FRMPD4: variants seen among roughly 807,000 people sequenced by gnomAD.
FRMPD4 encodes the protein FERM and PDZ domain-containing protein 4.
In FRMPD4, 22 loss-of-function variants were observed where a neutral mutation model predicts 94.1. That is an observed-to-expected ratio of 0.23 (90% CI 0.17 to 0.33). The LOEUF (loss-of-function observed/expected upper bound fraction) is 0.33. FRMPD4 is among the 10% of genes least tolerant of loss of function. The probability of loss-of-function intolerance (pLI) is 1.00; values close to 1 mark genes in which losing one functional copy is unlikely to be tolerated. For synonymous variants in FRMPD4, 631 were observed against 548.6 expected, an observed-to-expected ratio of 1.15 and a Z score of -2.10; for missense variants, 1,111 against 1,339.9, an observed-to-expected ratio of 0.83 and a Z score of 2.67.
intron 1 of FRMPD4, among the ~76,000 whole-genome samples, chrX:12,193,697 G>A (rs1175831108): frequency 2.0e-5 from 2 of 99,805 alleles, no homozygotes; most frequent in African/African-American, 7.3e-5. Context: ...AGAAAAAGAT[G>A]AAGGAACAGA....
chrX:12,257,796 T>G (rs2054135337), intron 1 of FRMPD4, among the ~76,000 whole-genome samples: 1 of 111,691 alleles, frequency 9.0e-6, no homozygotes, highest in Non-Finnish European at 1.9e-5. Context: ...AGTTTTCTAC[T>G]TAGAAAAACA....
chrX:12,518,142 C>T (rs1271457748), intron 2 of FRMPD4, among the ~76,000 whole-genome samples: 7 of 111,520 alleles, frequency 6.3e-5, no homozygotes, highest in Admixed American at 2.8e-4. Context: ...CAGTGATGGC[C>T]GCTGCCCTTC....
At position 12,204,072 on chromosome X, in the gene FRMPD4, G is replaced by A. The variant is rs145795733; in HGVS notation, c.41+65060G>A. ...GGCATATTCTTCTCAATTCTCTGTC[G>A]CTAGTGGTTTTCAATGGGGCAGTTT... On this transcript the variant is annotated intron_variant, in intron 1 of 16. Transcript: ENST00000675598. Among the ~76,000 whole-genome samples, 216 of 112,119 alleles carry A rather than the reference G, an allele frequency of 1.9e-3. 1 individual carries two copies. Among genetic ancestry groups the A allele is most frequent in the African/African-American group, 6.9e-3 (212 of 30,869 alleles).
At chrX:11,978,321 CAAAAA>C (rs1172824155) in intron 3 of FRMPD4, among the ~76,000 whole-genome samples, 269 of 16,312 alleles carry the variant, frequency 0.016, no homozygotes, top group Non-Finnish European at 0.02. Flanking sequence ...AACTCCATCT[CAAAAA>C]AAAAAAAAAA....
At position 11,978,349 on chromosome X, in the gene FRMPD4, A is replaced by AT. The variant is rs1181261349; in HGVS notation, c.95+100331_95+100332insT. ...AAAAAAAAAAAAAAAAAAAAAAAAA[A>AT]GTTCCCTGGCTGAGGAGGAAGTCCA... On this transcript the variant is annotated intron_variant, in intron 3 of 18. Transcript: ENST00000640291. Among the ~76,000 whole-genome samples the AT allele has an allele frequency of 8.7e-5, 9 of 103,258 alleles. No homozygotes were observed. The East Asian group carries it at 2.4e-3, about 28-fold the overall frequency. 89.7% of individuals were successfully genotyped at this position (103,258 alleles called of 115,157 possible).
In FRMPD4 at chrX:12,683,607, CTTTG is replaced by C; in HGVS notation, c.573+22_573+25del. 1 of 846,059 alleles carries C rather than the reference CTTTG, an allele frequency of 1.2e-6. No individual in the cohort carries two copies. 69.7% of individuals were successfully genotyped at this position (846,059 alleles called of 1,213,427 possible). ...GTGTCGGTGAGTTTACAGTCACCTGCTTTGTGACTCAGGGAGAGTCAATGAGGCA... is the reference window on the plus strand; with the variant it reads ...GTGTCGGTGAGTTTACAGTCACCTGCTGACTCAGGGAGAGTCAATGAGGCA... On this transcript the variant is annotated intron_variant, in intron 6 of 16. Coordinates refer to ENST00000675598, the MANE Select transcript of FRMPD4 (RefSeq NM_001368397.1).
chrX:12,718,328 G>A lies in FRMPD4; in HGVS notation c.3502G>A (p.Asp1168Asn), dbSNP rs777976232. 6 of 1,209,873 alleles carry A rather than the reference G, an allele frequency of 5.0e-6. No homozygotes were observed. In the Admixed American group the frequency reaches 1.3e-4, roughly 26 times the overall value. ...SSAKDLDNPE[D>N]ADSSTCDHPS... is the part of the protein sequence containing the mutation. Reference sequence around the variant, plus strand: ...AGCCAAAGACTTAGATAACCCAGAGGACGCTGACTCGTCCACCTGCGACCA... The same window carrying A: ...AGCCAAAGACTTAGATAACCCAGAGAACGCTGACTCGTCCACCTGCGACCA... The change falls in exon 16 of 17, where the codon GAC becomes AAC. Residue 1168 changes from aspartate to asparagine, a missense_variant. Coordinates refer to ENST00000675598, the MANE Select transcript of FRMPD4 (RefSeq NM_001368397.1).
rs747272192 is a variant in FRMPD4 at position 12,583,611 on chromosome X, G to T, written c.159-26110G>T. ...TGAGCCTCAGTGCTGGTAAAGCCTCGCACCTGGCGGCCCCGCCCCCGGCCC... is the reference window on the plus strand; with the variant it reads ...TGAGCCTCAGTGCTGGTAAAGCCTCTCACCTGGCGGCCCCGCCCCCGGCCC... On this transcript the variant is annotated intron_variant, in intron 2 of 16. Coordinates refer to ENST00000675598, the MANE Select transcript of FRMPD4 (RefSeq NM_001368397.1). The T allele has an allele frequency of 1.0e-4, 51 of 506,970 alleles. No homozygotes were observed. The Admixed American group carries it at 1.4e-3, about 14-fold the overall frequency. The allele number at this position is 506,970 out of a possible 1,213,427, so 41.8% of individuals were successfully genotyped here. A position where few individuals can be genotyped will look rare whatever the true frequency, so the allele number is the denominator to read the frequency against.
At position 12,165,812 on chromosome X, in the gene FRMPD4, T is replaced by A. The variant is rs1458299059; in HGVS notation, c.41+26800T>A. Among the ~76,000 whole-genome samples the A allele has an allele frequency of 8.1e-5, 9 of 110,876 alleles. 1 individual carries two copies. The highest frequency in any genetic ancestry group is 1.3e-4 in the African/African-American group (4 of 30,443). Reference sequence around the variant, plus strand: ...TAGGTATTTTATTCTCTTTGAAGCATTTGTGAATGGGAGTTCACTCATGAT... The same window carrying A: ...TAGGTATTTTATTCTCTTTGAAGCAATTGTGAATGGGAGTTCACTCATGAT... On this transcript the variant is annotated intron_variant, in intron 1 of 16. Transcript: ENST00000675598.
In FRMPD4 at chrX:12,256,415, A is replaced by G. The variant is rs150901815; in HGVS notation, c.41+117403A>G. On this transcript the variant is annotated intron_variant, in intron 1 of 16. Coordinates refer to ENST00000675598, the MANE Select transcript of FRMPD4 (RefSeq NM_001368397.1). ...GACTTCTTAAAAACTAGTTAGGTCT[A>G]TGAGCCAATAATCAAGACTTATGTT... Among the ~76,000 whole-genome samples, 23 of 112,260 alleles carry G rather than the reference A, an allele frequency of 2.0e-4. No homozygotes were observed. The East Asian group carries it at 4.8e-3, about 23-fold the overall frequency.
intron 1 of FRMPD4, among the ~76,000 whole-genome samples, chrX:12,434,235 G>T (rs754950800): frequency 2.7e-5 from 3 of 112,493 alleles, no homozygotes; most frequent in Non-Finnish European, 3.8e-5. Context: ...CCTCTGTGAT[G>T]AATATTTAAC....
At chrX:12,053,862 G>T (rs1435156166) in intron 3 of FRMPD4, among the ~76,000 whole-genome samples, 1 of 112,202 alleles carries the variant, frequency 8.9e-6, no homozygotes, top group South Asian at 3.7e-4. Context: ...TAAAGAAATG[G>T]TTAAACTTGT....
chrX:11,922,187 G>A (rs1277215971), intron 3 of FRMPD4, among the ~76,000 whole-genome samples: 5 of 111,745 alleles, frequency 4.5e-5, no homozygotes, highest in African/African-American at 1.3e-4. Context: ...CAGTTCCTCA[G>A]GCTTTACAGG....
At chrX:12,338,340 A>C (rs2055558010) in intron 1 of FRMPD4, among the ~76,000 whole-genome samples, 2 of 112,192 alleles carry the variant, frequency 1.8e-5, no homozygotes, top group African/African-American at 6.5e-5. Context: ...AAGGAGACTT[A>C]TAACATCATC....
chrX:12,169,085 A>G (rs766967165), intron 1 of FRMPD4, among the ~76,000 whole-genome samples: 29 of 112,331 alleles, frequency 2.6e-4, no homozygotes, highest in Non-Finnish European at 5.3e-4. Context: ...TTATACAAAC[A>G]TGTTAGGAGA....
At chrX:12,227,362 T>C (rs2056933455) in intron 1 of FRMPD4, among the ~76,000 whole-genome samples, 1 of 112,098 alleles carries the variant, frequency 8.9e-6, no homozygotes, top group Non-Finnish European at 1.9e-5. Flanking sequence ...ACAGATACTG[T>C]GGAGAGGCTA....
intron 3 of FRMPD4, among the ~76,000 whole-genome samples, chrX:11,954,929 A>T (rs1030954144): frequency 9.0e-6 from 1 of 111,234 alleles, no homozygotes; most frequent in Non-Finnish European, 1.9e-5. Context: ...CAACAATAAC[A>T]AGAATAGGTG....
intron 3 of FRMPD4, among the ~76,000 whole-genome samples, chrX:12,048,898 A>G (rs1397355495): frequency 1.8e-5 from 2 of 111,663 alleles, no homozygotes; most frequent in African/African-American, 6.5e-5. Flanking sequence ...GCCTTATAGT[A>G]TAGTTTAAAG....
At chrX:12,125,798 C>T (rs1389936071) in intron 3 of FRMPD4, among the ~76,000 whole-genome samples, 1 of 112,123 alleles carries the variant, frequency 8.9e-6, no homozygotes, top group Non-Finnish European at 1.9e-5. Flanking sequence ...GCAAAAGCTC[C>T]CTTCTCCTAC....
Sources: allele counts gnomAD v4.1 joint callset (sites outside exome capture counted in the v4.1 genomes callset), GRCh38; gene constraint gnomAD v4.1.1; transcripts MANE v1.5; gene names NCBI Gene and HGNC (gene_info 2026-07-23, HGNC 2026-07-21).